Variants in ARID5B observed in about 807,000 individuals in gnomAD.
The protein encoded by ARID5B is AT-rich interaction domain 5B.
Under a neutral mutation model 97.2 loss-of-function variants are expected in ARID5B, and 13 were observed. That is an observed-to-expected ratio of 0.13 (90% CI 0.09 to 0.21). The LOEUF (loss-of-function observed/expected upper bound fraction) is 0.21. Among genes scored for constraint, ARID5B ranks in the 10% least tolerant of loss-of-function variants. The probability of loss-of-function intolerance (pLI) is 1.00; values close to 1 mark genes in which losing one functional copy is unlikely to be tolerated. For synonymous variants in ARID5B, 556 were observed against 570.3 expected (o/e 0.97, Z 0.36); for missense variants, 1,210 against 1,465.3 (o/e 0.83, Z 2.84).
At chr10:61,922,195 G>A (rs973538537) in intron 2 of ARID5B, among the ~76,000 whole-genome samples, 2 of 152,208 alleles carry the variant, frequency 1.3e-5, no homozygotes, top group African/African-American at 4.8e-5. Flanking sequence ...CATTGCATTT[G>A]GAGAGTTTTG....
At chr10:62,065,707 A>C (rs577117072) in intron 7 of ARID5B, among the ~76,000 whole-genome samples, 4 of 151,942 alleles carry the variant, frequency 2.6e-5, no homozygotes, top group Non-Finnish European at 5.9e-5. Context: ...TTAGCCAGGC[A>C]TGGTGGCAGT....
At chr10:61,959,342 C>CT (rs886520746) in intron 3 of ARID5B, among the ~76,000 whole-genome samples, 18 of 152,184 alleles carry the variant, frequency 1.2e-4, no homozygotes, top group Non-Finnish European at 1.6e-4. Context: ...TGTCACATCT[C>CT]TGTCTGGGGA....
intron 1 of ARID5B, among the ~76,000 whole-genome samples, 192 bp from the exon 2 acceptor site, chr10:61,901,966 GC>G (rs1843623068): frequency 6.9e-6 from 1 of 144,768 alleles, no homozygotes; most frequent in Non-Finnish European, 1.5e-5. Context: ...GCGGTGGGGG[GC>G]CCTGAGTTTT....
intron 2 of ARID5B, among the ~76,000 whole-genome samples, chr10:61,937,835 T>A (rs1844332423): frequency 6.6e-6 from 1 of 152,170 alleles, no homozygotes; most frequent in Non-Finnish European, 1.5e-5. Flanking sequence ...TCCTGAGACA[T>A]TTTCTATATA....
At chr10:61,965,623 T>G (rs956221615) in intron 3 of ARID5B, among the ~76,000 whole-genome samples, 1 of 152,186 alleles carries the variant, frequency 6.6e-6, no homozygotes, top group Non-Finnish European at 1.5e-5. Flanking sequence ...AAAAAAAATT[T>G]TTTTCTATTT....
chr10:61,921,273 G>C (rs1422793812), intron 2 of ARID5B, among the ~76,000 whole-genome samples: 1 of 152,240 alleles, frequency 6.6e-6, no homozygotes, highest in Non-Finnish European at 1.5e-5. Context: ...GTAAGGCTTA[G>C]CTGGGTGCCT....
At chr10:62,016,090 A>G (rs546170268) in intron 4 of ARID5B, among the ~76,000 whole-genome samples, 1 of 152,334 alleles carries the variant, frequency 6.6e-6, no homozygotes, top group Non-Finnish European at 1.5e-5. Flanking sequence ...AGCTGGCTCT[A>G]TTCTCATAGG....
At chr10:62,043,840 G>T (rs748348324) in intron 4 of ARID5B, among the ~76,000 whole-genome samples, 1 of 152,192 alleles carries the variant, frequency 6.6e-6, no homozygotes, top group Non-Finnish European at 1.5e-5. Flanking sequence ...GCATGTATTG[G>T]AATGGATTAC....
chr10:62,096,488 A>G lies in ARID5B; in HGVS notation c.*3458A>G, dbSNP rs548731569. 59 of 233,456 alleles carry G rather than the reference A, an allele frequency of 2.5e-4. No homozygotes were observed. In the East Asian group the frequency reaches 3.6e-3, roughly 14 times the overall value. The allele number at this position is 233,456 out of a possible 1,614,324, so 14.5% of individuals were successfully genotyped here. A position where few individuals can be genotyped will look rare whatever the true frequency, so the allele number is the denominator to read the frequency against. On this transcript the variant is annotated 3_prime_UTR_variant, in exon 10 of 10. Coordinates refer to ENST00000279873, the MANE Select transcript of ARID5B (RefSeq NM_032199.3). The stretch of plus-strand genomic sequence containing the variant: ...CCATACCATTGCAATGATTATCTTG[A>G]GCACTTAAAGTCCAGTGTTGGCTGT...
Position 62,095,782 on chromosome 10 carries a change from C to G in ARID5B, c.*2752C>G, listed in dbSNP as rs548036665. 1 of 231,180 alleles carries G rather than the reference C, an allele frequency of 4.3e-6. No individual in the cohort carries two copies. Among genetic ancestry groups the G allele is most frequent in the South Asian group, 1.8e-4 (1 of 5,494 alleles). 14.3% of individuals were successfully genotyped at this position (231,180 alleles called of 1,614,324 possible). ...GTTTGCATTGTTTGAGTTCAAGGGGCCTTATTATTGAATGGAATTGCACAA... is the reference window on the plus strand; with the variant it reads ...GTTTGCATTGTTTGAGTTCAAGGGGGCTTATTATTGAATGGAATTGCACAA... On this transcript the variant is annotated 3_prime_UTR_variant, in exon 10 of 10. Transcript: ENST00000279873.
intron 5 of ARID5B, among the ~76,000 whole-genome samples, chr10:62,054,693 C>G (rs16916939): frequency 3.3e-5 from 5 of 152,216 alleles, no homozygotes; most frequent in Non-Finnish European, 7.4e-5. Flanking sequence ...AAACCTTATT[C>G]TCCTTTTAAC....
At chr10:62,085,045 T>C (rs550857402) in intron 8 of ARID5B, among the ~76,000 whole-genome samples, 1 of 152,324 alleles carries the variant, frequency 6.6e-6, no homozygotes, top group South Asian at 2.1e-4. Context: ...TGAATGAAAA[T>C]AAAATGTTTT....
chr10:61,935,920 T>C (rs1462129960), intron 2 of ARID5B, among the ~76,000 whole-genome samples: 8 of 152,208 alleles, frequency 5.3e-5, no homozygotes, highest in Non-Finnish European at 1.2e-4. Flanking sequence ...CTGCATTCAC[T>C]CTGTTGTGAT....
chr10:62,048,825 C>T (rs376195088), intron 4 of ARID5B, among the ~76,000 whole-genome samples: 1 of 152,146 alleles, frequency 6.6e-6, no homozygotes, highest in East Asian at 1.9e-4. Flanking sequence ...TGCTTTTCAC[C>T]AAAATGCTAG....
intron 4 of ARID5B, among the ~76,000 whole-genome samples, chr10:62,043,181 G>A (rs1839663800): frequency 6.6e-6 from 1 of 152,112 alleles, no homozygotes; most frequent in Non-Finnish European, 1.5e-5. Context: ...AGTTGGAAAG[G>A]TCTGGCATAG....
intron 4 of ARID5B, among the ~76,000 whole-genome samples, chr10:62,033,550 C>T (rs144771029): frequency 3.9e-4 from 59 of 152,314 alleles, no homozygotes; most frequent in African/African-American, 1.4e-3. Context: ...ATCTTTCTTC[C>T]TGGGCTCTAC....
At chr10:61,918,638 T>C (rs988808224) in intron 2 of ARID5B, among the ~76,000 whole-genome samples, 7 of 152,230 alleles carry the variant, frequency 4.6e-5, no homozygotes, top group Non-Finnish European at 8.8e-5. Flanking sequence ...AAGACTTCTC[T>C]TGTGTTTAGG....
intron 3 of ARID5B, among the ~76,000 whole-genome samples, chr10:61,997,364 G>A (rs934823477): frequency 3.0e-4 from 45 of 151,928 alleles, no homozygotes; most frequent in Non-Finnish European, 1.2e-4. Flanking sequence ...GTTAGAGATG[G>A]CATCATCATG....
At chr10:61,947,972 T>A (rs965797384) in intron 3 of ARID5B, among the ~76,000 whole-genome samples, 7 of 152,224 alleles carry the variant, frequency 4.6e-5, no homozygotes, top group African/African-American at 1.7e-4. Context: ...CTTCTTAGAA[T>A]TCCAGGTTCA....
Sources: gnomAD v4.1 joint callset for allele counts (sites outside exome capture counted in the v4.1 genomes callset) on GRCh38, gnomAD v4.1.1 for gene constraint, MANE v1.5 for transcripts, NCBI Gene and HGNC (gene_info 2026-07-23, HGNC 2026-07-21) for gene names.